The following NBEA variants were observed in gnomAD, a reference collection of about 807,000 sequenced individuals.
The protein encoded by NBEA is neurobeachin.
A neutral mutation model predicts 343.4 loss-of-function variants in NBEA; 44 were observed. The observed-to-expected ratio is 0.13, with a 90% CI of 0.10 to 0.16. NBEA has a LOEUF of 0.16. NBEA is among the 10% of genes least tolerant of loss of function. The pLI is 1.00. For missense variants in NBEA, 2,555 were observed against 3,631.3 expected (o/e 0.70, Z 7.62); for synonymous variants, 1,175 against 1,238.7 (o/e 0.95, Z 1.08).
chr13:35,510,745 G>A (rs2077245231), intron 41 of NBEA, among the ~76,000 whole-genome samples: 1 of 152,138 alleles, frequency 6.6e-6, no homozygotes, highest in African/African-American at 2.4e-5. Flanking sequence ...TTCATGTATA[G>A]TATCTCATTT....
intron 47 of NBEA, among the ~76,000 whole-genome samples, chr13:35,600,608 T>G (rs1269395067): frequency 6.6e-6 from 1 of 152,164 alleles, no homozygotes; most frequent in African/African-American, 2.4e-5. Context: ...AATGTATTGT[T>G]TTATAAACAT....
In NBEA at chr13:34,942,933, G is replaced by T; in HGVS notation, c.113G>T (p.Gly38Val). ...GGGGSGGGGT[G>V]GSGMGELRGA... is the part of the protein sequence containing the mutation. ...GGGGGCAGCGGTGGTGGCGGCACCG[G>T]GGGCAGCGGGATGGGGGAGCTAAGG... Residue 38 changes from glycine (G) to valine (V), a missense_variant, in exon 1 of 59, where the codon GGG (glycine) becomes GTG (valine). Transcript: ENST00000379939. The T allele has an allele frequency of 3.2e-6, 5 of 1,560,496 alleles. No homozygotes were observed. The highest frequency in any genetic ancestry group is 4.3e-6 in the Non-Finnish European group (5 of 1,153,196).
chr13:35,311,857 C>G (rs528345699), intron 36 of NBEA, among the ~76,000 whole-genome samples: 8 of 151,512 alleles, frequency 5.3e-5, no homozygotes, highest in Admixed American at 2.6e-4. Context: ...TTCGTCCCCC[C>G]ACCAAAAAAA....
At chr13:34,997,017 CTGTT>C (rs200098791) in intron 1 of NBEA, among the ~76,000 whole-genome samples, 7 of 147,616 alleles carry the variant, frequency 4.7e-5, no homozygotes, top group Admixed American at 2.0e-4. Flanking sequence ...TTCTACCTGT[CTGTT>C]AGCTTAGTTT....
chr13:35,577,852 TG>T (rs1396396416), intron 45 of NBEA, among the ~76,000 whole-genome samples: 1 of 152,100 alleles, frequency 6.6e-6, no homozygotes, highest in Admixed American at 6.5e-5. Flanking sequence ...AGATGCAATT[TG>T]AAAAACCTCC....
chr13:35,366,513 G>A (rs1191973543), intron 38 of NBEA, among the ~76,000 whole-genome samples: 1 of 150,806 alleles, frequency 6.6e-6, no homozygotes, highest in African/African-American at 2.4e-5. Flanking sequence ...AAATAATGAA[G>A]TTAGGGTTTT....
chr13:35,263,272 A>G lies in NBEA; in HGVS notation c.5777-27117A>G, dbSNP rs1034581612. ...AAAGTGGATATCCACATGCAAAAGA[A>G]TGTAGCTGGACCCTTCACTAACAAC... On this transcript the variant is annotated intron_variant, in intron 34 of 58. Coordinates refer to ENST00000379939, the MANE Select transcript of NBEA (RefSeq NM_001385012.1). 2.6e-5 allele frequency among the ~76,000 whole-genome samples: 4 copies of G among 152,320 alleles called. No individual in the cohort carries two copies. In the South Asian group the frequency reaches 8.3e-4, roughly 32 times the overall value.
At chr13:35,087,974 C>T (rs1035629642) in intron 10 of NBEA, among the ~76,000 whole-genome samples, 2 of 151,666 alleles carry the variant, frequency 1.3e-5, no homozygotes, top group Non-Finnish European at 2.9e-5. Flanking sequence ...GTACGGGGCA[C>T]CAATAGTAAT....
chr13:35,524,246 G>C (rs1391528514), intron 41 of NBEA, among the ~76,000 whole-genome samples: 2 of 152,136 alleles, frequency 1.3e-5, no homozygotes, highest in Non-Finnish European at 2.9e-5. Context: ...CAAAGAAAAA[G>C]AAAAAGATTC....
At chr13:35,506,711 A>G (rs1319374526) in intron 41 of NBEA, among the ~76,000 whole-genome samples, 1 of 152,208 alleles carries the variant, frequency 6.6e-6, no homozygotes, top group Non-Finnish European at 1.5e-5. Context: ...AAATAAATAA[A>G]GCCTCAACAT....
intron 33 of NBEA, among the ~76,000 whole-genome samples, chr13:35,223,205 A>C (rs2074469558): frequency 6.6e-6 from 1 of 152,134 alleles, no homozygotes. Flanking sequence ...GAGCAATTAA[A>C]AATAAATGCA....
chr13:35,433,601 T>TTAAAAATAGATAA (rs2045253406), intron 39 of NBEA, among the ~76,000 whole-genome samples: 1 of 151,880 alleles, frequency 6.6e-6, no homozygotes, highest in African/African-American at 2.4e-5. Flanking sequence ...CAAAATATCA[T>TTAAAAATAGATAA]TAAAAATAGA....
At chr13:35,507,935 G>C (rs543794560) in intron 41 of NBEA, among the ~76,000 whole-genome samples, 2 of 152,038 alleles carry the variant, frequency 1.3e-5, no homozygotes, top group Non-Finnish European at 2.9e-5. Flanking sequence ...CAAAGTTCCA[G>C]TATTTCTTTT....
At chr13:35,163,825 A>G (rs529888495) in intron 23 of NBEA, among the ~76,000 whole-genome samples, 4 of 152,052 alleles carry the variant, frequency 2.6e-5, no homozygotes, top group Admixed American at 1.3e-4. Flanking sequence ...ATACATTTCA[A>G]TGTGACTAGT....
intron 31 of NBEA, 35 bp from the exon 32 acceptor site, chr13:35,208,665 A>T: frequency 6.6e-7 from 1 of 1,510,910 alleles, no homozygotes; most frequent in Non-Finnish European, 8.9e-7. Context: ...CTTCAACCTC[A>T]TGTTTGTTAT....
At chr13:35,249,866 G>A (rs1258906040) in intron 34 of NBEA, among the ~76,000 whole-genome samples, 1 of 152,114 alleles carries the variant, frequency 6.6e-6, no homozygotes, top group Admixed American at 6.5e-5. Context: ...AAAAAATGTA[G>A]TATATACATA....
chr13:35,073,522 C>T (rs1419357888), intron 10 of NBEA, among the ~76,000 whole-genome samples: 1 of 152,134 alleles, frequency 6.6e-6, no homozygotes, highest in Non-Finnish European at 1.5e-5. Context: ...ACATAGTTTT[C>T]TCTACTAAGT....
intron 40 of NBEA, among the ~76,000 whole-genome samples, chr13:35,456,214 C>T (rs2046573500): frequency 6.6e-6 from 1 of 152,070 alleles, no homozygotes; most frequent in East Asian, 1.9e-4. Flanking sequence ...AAATGTTCCA[C>T]AAAATTCTAT....
At chr13:35,365,270 T>C (rs1282102765) in intron 38 of NBEA, among the ~76,000 whole-genome samples, 3 of 151,780 alleles carry the variant, frequency 2.0e-5, no homozygotes, top group Non-Finnish European at 4.4e-5. Flanking sequence ...AAAATCAGCA[T>C]GTAAATGTAA....
Sources: allele counts gnomAD v4.1 joint callset (sites outside exome capture counted in the v4.1 genomes callset), GRCh38; gene constraint gnomAD v4.1.1; transcripts MANE v1.5; gene names NCBI Gene and HGNC (gene_info 2026-07-23, HGNC 2026-07-21).